The following HYAL3 variants were observed in gnomAD, a reference collection of about 807,000 sequenced individuals.
HYAL3 encodes hyaluronidase 3, also known as hyaluronidase-3.
Under a neutral mutation model 29.6 loss-of-function variants are expected in HYAL3, and 25 were observed. The ratio of observed to expected loss-of-function variants is 0.85; its 90% CI spans 0.62 to 1.18. The LOEUF (loss-of-function observed/expected upper bound fraction) is 1.18, where lower values mean the gene tolerates loss of function less well. Among genes scored for constraint, HYAL3 ranks in the 50% most tolerant of loss-of-function variants. HYAL3 has a pLI of 0.00. For missense variants in HYAL3, 442 were observed against 548.4 expected (o/e 0.81, Z 1.94); for synonymous variants, 215 against 218.3 (o/e 0.99, Z 0.13).
At position 50,293,233 on chromosome 3, in the gene HYAL3, AG is replaced by A. The variant is rs1575494161; in HGVS notation, c.*12del. 1.2e-6 allele frequency: 2 copies of A among 1,613,006 alleles called. No individual in the cohort carries two copies. Among genetic ancestry groups the A allele is most frequent in the East Asian group, 4.5e-5 (2 of 44,882 alleles). On this transcript the variant is annotated 3_prime_UTR_variant, in exon 4 of 4. Coordinates refer to ENST00000336307, the MANE Select transcript of HYAL3 (RefSeq NM_003549.4). ...AGCAGGGAAAAGAAGAGGCAGTGGC[AG>A]GGGCCCTGGCTTTATACTGCTTCTT...
intron 1 of HYAL3, among the ~76,000 whole-genome samples, chr3:50,298,540 A>C (rs1354551603): frequency 6.6e-6 from 1 of 151,166 alleles, no homozygotes; most frequent in Non-Finnish European, 1.5e-5. Flanking sequence ...CTATATCCAC[A>C]GGGTGTCCAA....
rs200295394 is a variant in HYAL3, at chr3:50,296,731, G to C, written c.-17-1112C>G. On this transcript the variant is annotated intron_variant, in intron 1 of 3. Transcript: ENST00000336307. ...ATGGTCAGGCACTCAGGTAGGGGAG[G>C]GGGTGGTGGCAATGGAGGTCCCTTG... The C allele has an allele frequency of 2.5e-5, 41 of 1,612,060 alleles. No homozygotes were observed. The African/African-American group carries it at 5.3e-4, about 21-fold the overall frequency.
At chr3:50,296,558 G>C (rs781996881) in intron 1 of HYAL3, 17 of 1,591,390 alleles carry the variant, frequency 1.1e-5, no homozygotes, top group African/African-American at 9.4e-5. Context: ...AGACTGTCGG[G>C]GCAGTCTATT....
rs1701894377 is a variant in HYAL3 at position 50,297,333 on chromosome 3, T to C, written c.-17-1714A>G. On this transcript the variant is annotated intron_variant, in intron 1 of 3. Coordinates refer to ENST00000336307, the MANE Select transcript of HYAL3 (RefSeq NM_003549.4). The surrounding 1 kb of genome is among the most constrained non-coding windows in gnomAD (Gnocchi z 4.3). The stretch of plus-strand genomic sequence containing the variant: ...GGTCTCCTCTGGCTGGTGTTCAGGA[T>C]CCAGGGTAAGCTCAGTTGGACCAGG... 6.2e-7 allele frequency: 1 copy of C among 1,609,266 alleles called. No homozygotes were observed. Among genetic ancestry groups the C allele is most frequent in the Non-Finnish European group, 8.5e-7 (1 of 1,177,250 alleles).
Position 50,293,687 on chromosome 3 carries a change from G to A in HYAL3, c.929C>T (p.Ala310Val). Residue 310 changes from alanine (A) to valine (V), a missense_variant, in exon 3 of 4, where the codon GCA becomes GTA. Coordinates refer to ENST00000336307, the MANE Select transcript of HYAL3 (RefSeq NM_003549.4). ...DLVQSIGVSA[A>V]LGAAGVVLWG... is the part of the protein sequence containing the mutation. The stretch of plus-strand genomic sequence containing the variant: ...GAGCACCACGCCGGCTGCCCCTAGT[G>A]CTGCACTCACACCAATGGACTGCAC... The A allele has an allele frequency of 6.2e-7, 1 of 1,613,776 alleles. No individual in the cohort carries two copies. Among genetic ancestry groups the A allele is most frequent in the Non-Finnish European group, 8.5e-7 (1 of 1,180,034 alleles).
In HYAL3 at chr3:50,297,560, G is replaced by C. The variant is rs1553711607; in HGVS notation, c.-18+1653C>G. The C allele has an allele frequency of 2.0e-6, 3 of 1,500,894 alleles. No homozygotes were observed. Among genetic ancestry groups the C allele is most frequent in the South Asian group, 1.4e-5 (1 of 73,696 alleles). The allele number at this position is 1,500,894 out of a possible 1,614,324, so 93.0% of individuals were successfully genotyped here. On this transcript the variant is annotated intron_variant, in intron 1 of 3. Transcript: ENST00000336307. This position sits in a 1 kb window ranked among gnomAD's most constrained non-coding sequence, Gnocchi z 4.3. ...CAGGATCCAGGTTCAGCTGAGTCAG[G>C]CTGGGAGCCAAGGTCACCTGCTGCT...
Position 50,299,272 on chromosome 3 carries a change from C to G in HYAL3, c.-77G>C, listed in dbSNP as rs1702018037. ...TAGCTCCGCACAGCTGGGTATCTCA[C>G]TCAGTCGCCACCTCGGACTCCTCGG... On this transcript the variant is annotated 5_prime_UTR_variant, in exon 1 of 4. Coordinates refer to ENST00000336307, the MANE Select transcript of HYAL3 (RefSeq NM_003549.4). 3.7e-6 allele frequency: 6 copies of G among 1,613,634 alleles called. No homozygotes were observed. Among genetic ancestry groups the G allele is most frequent in the Non-Finnish European group, 4.2e-6 (5 of 1,179,968 alleles).
At chr3:50,299,174 G>A (rs781887647) in intron 1 of HYAL3, 39 bp downstream of exon 1, 1 of 1,614,108 alleles carries the variant, frequency 6.2e-7, no homozygotes, top group East Asian at 2.2e-5. Flanking sequence ...CGCGCGGGGT[G>A]GACCTACAGG....
intron 1 of HYAL3, chr3:50,298,755 T>C: frequency 2.9e-6 from 3 of 1,035,744 alleles, no homozygotes; most frequent in Non-Finnish European, 3.5e-6. Flanking sequence ...AATTAAACAC[T>C]GGTCAGTAAC....
intron 2 of HYAL3, 85 bp from the exon 3 acceptor site, chr3:50,293,806 C>A: frequency 8.4e-7 from 1 of 1,194,472 alleles, no homozygotes; most frequent in Non-Finnish European, 1.2e-6. Context: ...TCTTCTGGTT[C>A]ACTGTCACAA....
At position 50,292,864 on chromosome 3, in the gene HYAL3, T is replaced by A. The variant is rs782152057; in HGVS notation, c.*382A>T. On this transcript the variant is annotated 3_prime_UTR_variant, in exon 4 of 4. Coordinates refer to ENST00000336307, the MANE Select transcript of HYAL3 (RefSeq NM_003549.4). ...AAAAAGTGACTTTATGATGAAAGAG[T>A]GCAGACAACAGCTTAGCACTTTACC... The A allele has an allele frequency of 2.7e-6, 4 of 1,489,132 alleles. No individual in the cohort carries two copies. The Admixed American group carries it at 7.1e-5, about 26-fold the overall frequency. The allele number at this position is 1,489,132 out of a possible 1,614,324, so 92.2% of individuals were successfully genotyped here.
intron 1 of HYAL3, among the ~76,000 whole-genome samples, chr3:50,298,448 A>C (rs1701955607): frequency 6.6e-6 from 1 of 151,818 alleles, no homozygotes; most frequent in African/African-American, 2.4e-5. Flanking sequence ...CCACAGTCAC[A>C]CAGCAGTATT....
chr3:50,293,342 G>T lies in HYAL3; in HGVS notation c.1158C>A (p.Ser386Arg), dbSNP rs1553710355. The change falls in exon 4 of 4, where the codon AGC (serine) becomes AGA (arginine). Residue 386 changes from serine (S) to arginine (R), a missense_variant. Physicochemically the swap from Ser to Arg is moderately radical, Grantham distance 110 (BLOSUM62 -1). Transcript: ENST00000336307. Reference sequence around the variant, plus strand: ...AGCTGAAGGACTTCCAATCTCCAAGGCTGCCGTCTGGCCACAGGTGTAGAA... The same window carrying T: ...AGCTGAAGGACTTCCAATCTCCAAGTCTGCCGTCTGGCCACAGGTGTAGAA... ...EAFLHLWPDG[S>R]LGDWKSFSCH... 1 of 1,613,380 alleles carries T rather than the reference G, an allele frequency of 6.2e-7. No individual in the cohort carries two copies. Among genetic ancestry groups the T allele is most frequent in the South Asian group, 1.1e-5 (1 of 91,084 alleles).
chr3:50,298,862 G>A (rs1276766240), intron 1 of HYAL3: 21 of 1,280,930 alleles, frequency 1.6e-5, no homozygotes, highest in African/African-American at 4.5e-5. Context: ...CTTTGGTCTA[G>A]AGGGAGGAAG....
rs1370505443 is a variant in HYAL3 at position 50,296,709 on chromosome 3, G to A, written c.-17-1090C>T. ...CCCTGATGGAACTGGGGGTGAGATGGTCAGGCACTCAGGTAGGGGAGGGGG... is the reference window on the plus strand; with the variant it reads ...CCCTGATGGAACTGGGGGTGAGATGATCAGGCACTCAGGTAGGGGAGGGGG... On this transcript the variant is annotated intron_variant, in intron 1 of 3. Coordinates refer to ENST00000336307, the MANE Select transcript of HYAL3 (RefSeq NM_003549.4). 1.9e-6 allele frequency: 3 copies of A among 1,613,584 alleles called. No homozygotes were observed. In the African/African-American group the frequency reaches 4.0e-5, roughly 22 times the overall value.
intron 1 of HYAL3, chr3:50,295,838 C>A: frequency 1.8e-6 from 1 of 551,906 alleles, no homozygotes; most frequent in Admixed American, 3.0e-5. Context: ...CACACCAAAG[C>A]GGGCTTTACA....
rs1702014476 is a variant in HYAL3, at chr3:50,299,216, T to C, written c.-21A>G. The stretch of plus-strand genomic sequence containing the variant: ...ATGGGAAGGGTGCGGTACTGACATG[T>C]TGATGCTGGCCTCTGGGATGTTCCG... On this transcript the variant is annotated 5_prime_UTR_variant, in exon 1 of 4. Coordinates refer to ENST00000336307, the MANE Select transcript of HYAL3 (RefSeq NM_003549.4). The C allele has an allele frequency of 6.2e-7, 1 of 1,614,048 alleles. No individual in the cohort carries two copies. The highest frequency in any genetic ancestry group is 8.5e-7 in the Non-Finnish European group (1 of 1,180,022).
intron 1 of HYAL3, chr3:50,298,695 G>A: frequency 1.1e-6 from 1 of 946,234 alleles, no homozygotes; most frequent in Non-Finnish European, 1.3e-6. Context: ...CTACTCACCT[G>A]CTCCAGAGGG....
In HYAL3 at chr3:50,293,167, G is replaced by GC. The variant is rs782598411; in HGVS notation, c.*78dup. 1 of 1,591,090 alleles carries GC rather than the reference G, an allele frequency of 6.3e-7. No individual in the cohort carries two copies. Among genetic ancestry groups the GC allele is most frequent in the African/African-American group, 1.3e-5 (1 of 74,566 alleles). On this transcript the variant is annotated 3_prime_UTR_variant, in exon 4 of 4. Transcript: ENST00000336307. ...GAGGGTTGACTGTAAACTGAATAGA[G>GC]CAAGAGTGGGACAGAGTAGTTCCAG...
Sources: gnomAD v4.1 joint callset for allele counts (sites outside exome capture counted in the v4.1 genomes callset) on GRCh38, gnomAD v4.1.1 for gene constraint, Gnocchi (gnomAD v3.1) non-coding constraint, MANE v1.5 for transcripts, NCBI Gene and HGNC (gene_info 2026-07-23, HGNC 2026-07-21) for gene names.